The following GABRB2 variants were observed in gnomAD, a reference collection of about 807,000 sequenced individuals.
The protein encoded by GABRB2 is gamma-aminobutyric acid type A receptor subunit beta2.
In GABRB2, 16 loss-of-function variants were observed where a neutral mutation model predicts 54.7. That is an observed-to-expected ratio of 0.29 (90% CI 0.20 to 0.44). The LOEUF (loss-of-function observed/expected upper bound fraction) is 0.44. GABRB2 is among the 20% of genes least tolerant of loss of function. The pLI, the probability that GABRB2 is intolerant of heterozygous loss-of-function variation, is 1.00. For synonymous variants in GABRB2, 244 were observed against 233.8 expected, an observed-to-expected ratio of 1.04 and a Z score of -0.40; for missense variants, 355 against 644.0, an observed-to-expected ratio of 0.55 and a Z score of 4.86.
At chr5:161,358,192 T>C (rs1308824094) in intron 5 of GABRB2, among the ~76,000 whole-genome samples, 1 of 152,076 alleles carries the variant, frequency 6.6e-6, no homozygotes, top group African/African-American at 2.4e-5. Context: ...GTCAATAAAA[T>C]CAAAGAAGGA....
At chr5:161,544,064 T>C (rs73797408) in intron 3 of GABRB2, among the ~76,000 whole-genome samples, 2,590 of 152,296 alleles carry the variant, frequency 0.017, 83 homozygotes, top group African/African-American at 0.06. Flanking sequence ...GTATGAGGAC[T>C]ATGTTGGTTA....
chr5:161,465,348 T>TA (rs1561660130), intron 3 of GABRB2, among the ~76,000 whole-genome samples: 2 of 152,104 alleles, frequency 1.3e-5, no homozygotes, highest in East Asian at 3.9e-4. Flanking sequence ...AAGGCCACCA[T>TA]AATGGTTATA....
intron 5 of GABRB2, among the ~76,000 whole-genome samples, chr5:161,397,900 C>G (rs1358099031): frequency 2.0e-5 from 3 of 152,134 alleles, no homozygotes; most frequent in Non-Finnish European, 4.4e-5. Flanking sequence ...CTTACTTAAT[C>G]TCTTTGTGCC....
chr5:161,484,150 T>G (rs1463462901), intron 3 of GABRB2, among the ~76,000 whole-genome samples: 1 of 151,956 alleles, frequency 6.6e-6, no homozygotes, highest in Non-Finnish European at 1.5e-5. Flanking sequence ...AATTGGTTCA[T>G]TCCATCAATT....
intron 3 of GABRB2, among the ~76,000 whole-genome samples, chr5:161,476,947 A>G (rs2113313704): frequency 6.6e-6 from 1 of 152,022 alleles, no homozygotes; most frequent in South Asian, 2.1e-4. Context: ...TCAAATTTAA[A>G]GACTTATGCA....
chr5:161,460,858 T>G (rs1159100073), intron 3 of GABRB2, among the ~76,000 whole-genome samples: 4 of 152,110 alleles, frequency 2.6e-5, no homozygotes, highest in Non-Finnish European at 5.9e-5. Context: ...CTAACTGGAA[T>G]GGTGACAAAA....
At chr5:161,531,943 T>G (rs1479158712) in intron 3 of GABRB2, among the ~76,000 whole-genome samples, 1 of 152,158 alleles carries the variant, frequency 6.6e-6, no homozygotes. Context: ...AGTTCACTAC[T>G]CAAACTTTAG....
At chr5:161,374,730 C>A (rs1755235729) in intron 5 of GABRB2, among the ~76,000 whole-genome samples, 1 of 152,136 alleles carries the variant, frequency 6.6e-6, no homozygotes, top group Admixed American at 6.6e-5. Flanking sequence ...TATTGCTTAG[C>A]AGTTTTTTCC....
chr5:161,428,450 T>G (rs998194296), intron 4 of GABRB2, among the ~76,000 whole-genome samples: 1 of 152,128 alleles, frequency 6.6e-6, no homozygotes, highest in Non-Finnish European at 1.5e-5. Context: ...TCCTTTGACC[T>G]ATATCTCCTC....
At chr5:161,518,211 T>G (rs1760010526) in intron 3 of GABRB2, among the ~76,000 whole-genome samples, 1 of 152,224 alleles carries the variant, frequency 6.6e-6, no homozygotes. Flanking sequence ...CTTAACATTT[T>G]ATACAAAATA....
At chr5:161,377,957 T>C (rs1755358680) in intron 5 of GABRB2, among the ~76,000 whole-genome samples, 1 of 152,106 alleles carries the variant, frequency 6.6e-6, no homozygotes, top group Non-Finnish European at 1.5e-5. Flanking sequence ...TTAATACAAA[T>C]ACATAATTTG....
chr5:161,404,773 C>T (rs1442166467), intron 5 of GABRB2, among the ~76,000 whole-genome samples: 1 of 152,072 alleles, frequency 6.6e-6, no homozygotes, highest in African/African-American at 2.4e-5. Flanking sequence ...AACAGCATTG[C>T]TCTCAGAGGT....
At chr5:161,307,722 A>C (rs1757729713) in intron 9 of GABRB2, among the ~76,000 whole-genome samples, 1 of 152,114 alleles carries the variant, frequency 6.6e-6, no homozygotes, top group Admixed American at 6.5e-5. Context: ...CATGTCTGAC[A>C]TACATGGGGG....
intron 4 of GABRB2, among the ~76,000 whole-genome samples, chr5:161,425,919 G>T (rs1756985572): frequency 6.6e-6 from 1 of 151,964 alleles, no homozygotes; most frequent in Admixed American, 6.6e-5. Flanking sequence ...AATATAAATT[G>T]GCTCAATCTT....
rs1290777217 is a variant in GABRB2, at chr5:161,426,390, G to T, written c.459-15333C>A. ...AGGAGTTCTAAAGGGTCGACTGGGG[G>T]AGGGTGGTACATGCAAATCAGGGCA... On this transcript the variant is annotated intron_variant, in intron 4 of 9. Transcript: ENST00000393959. Among the ~76,000 whole-genome samples the T allele has an allele frequency of 2.0e-5, 3 of 152,216 alleles. No homozygotes were observed. In the East Asian group the frequency reaches 5.8e-4, roughly 29 times the overall value.
chr5:161,507,894 C>T (rs1413378842), intron 3 of GABRB2, among the ~76,000 whole-genome samples: 1 of 151,888 alleles, frequency 6.6e-6, no homozygotes, highest in South Asian at 2.1e-4. Flanking sequence ...TTCCATACAT[C>T]GTTGGTGACA....
intron 3 of GABRB2, among the ~76,000 whole-genome samples, chr5:161,498,779 A>T (rs1162026950): frequency 6.6e-6 from 1 of 152,094 alleles, no homozygotes; most frequent in Non-Finnish European, 1.5e-5. Flanking sequence ...GCTTGAATGG[A>T]ATCCAAGGCT....
intron 3 of GABRB2, among the ~76,000 whole-genome samples, chr5:161,496,531 G>T (rs1212230213): frequency 1.3e-5 from 2 of 151,332 alleles, no homozygotes; most frequent in Non-Finnish European, 2.9e-5. Flanking sequence ...CATAGTAATT[G>T]TAGAAAAACT....
At chr5:161,344,508 T>A (rs563581047) in intron 5 of GABRB2, among the ~76,000 whole-genome samples, 20 of 152,024 alleles carry the variant, frequency 1.3e-4, no homozygotes, top group African/African-American at 1.9e-4. Context: ...ATGCTGGTAC[T>A]ATTTGTTTTT....
Sources: gnomAD v4.1 joint callset for allele counts (sites outside exome capture counted in the v4.1 genomes callset) on GRCh38, gnomAD v4.1.1 for gene constraint, MANE v1.5 for transcripts, NCBI Gene and HGNC (gene_info 2026-07-23, HGNC 2026-07-21) for gene names.